Variants in NUP93 observed in about 807,000 individuals in gnomAD.
The protein encoded by NUP93 is nucleoporin 93, also known as nuclear pore complex protein Nup93.
A neutral mutation model predicts 107.8 loss-of-function variants in NUP93; 55 were observed. That is an observed-to-expected ratio of 0.51 (90% CI 0.41 to 0.64). NUP93 has a LOEUF of 0.64. NUP93 is among the 30% of genes least tolerant of loss of function. The pLI, the probability that NUP93 is intolerant of heterozygous loss-of-function variation, is 0.00. For synonymous variants in NUP93, 390 were observed against 397.5 expected, an observed-to-expected ratio of 0.98 and a Z score of 0.22; for missense variants, 937 against 1,044.7, an observed-to-expected ratio of 0.90 and a Z score of 1.42.
Position 56,742,784 on chromosome 16 carries a change from C to G in NUP93, c.-14-5450C>G, listed in dbSNP as rs561266790. ...TTTCTGGAGTATATCCTGGGAGTAA[C>G]ATAGGCTTAAGTCTAGAGAACTAGT... On this transcript the variant is annotated intron_variant, in intron 1 of 21. Transcript: ENST00000308159. Among the ~76,000 whole-genome samples, 4 of 152,270 alleles carry G rather than the reference C, an allele frequency of 2.6e-5. No individual in the cohort carries two copies. The South Asian group carries it at 8.3e-4, about 32-fold the overall frequency.
At chr16:56,813,545 C>T (rs928124351) in intron 5 of NUP93, among the ~76,000 whole-genome samples, 6 of 152,084 alleles carry the variant, frequency 3.9e-5, no homozygotes, top group African/African-American at 9.7e-5. Flanking sequence ...TTAAAAACCT[C>T]ATCTCAACAG....
chr16:56,819,126 T>C (rs1175574328), intron 6 of NUP93, among the ~76,000 whole-genome samples: 1 of 152,248 alleles, frequency 6.6e-6, no homozygotes, highest in East Asian at 1.9e-4. Context: ...AGAAATTTTC[T>C]AAATGCTTTT....
At chr16:56,815,884 C>G (rs895825471) in intron 5 of NUP93, among the ~76,000 whole-genome samples, 3 of 137,614 alleles carry the variant, frequency 2.2e-5, no homozygotes, top group Admixed American at 7.1e-5. Context: ...GCTGCTGCTG[C>G]TGCTGCTGCT....
At chr16:56,751,427 T>C (rs1350589872) in intron 2 of NUP93, among the ~76,000 whole-genome samples, 1 of 152,214 alleles carries the variant, frequency 6.6e-6, no homozygotes, top group African/African-American at 2.4e-5. Context: ...AATTTCTTTT[T>C]AAAATAACCC....
intron 1 of NUP93, among the ~76,000 whole-genome samples, chr16:56,741,602 T>G (rs1489138607): frequency 2.6e-5 from 4 of 152,180 alleles, no homozygotes; most frequent in African/African-American, 7.2e-5. Flanking sequence ...TTATTTAAAA[T>G]ATCGAAAATA....
chr16:56,786,439 C>G lies in NUP93; in HGVS notation c.298-12037C>G, dbSNP rs529608377. On this transcript the variant is annotated intron_variant, in intron 3 of 21. Coordinates refer to ENST00000308159, the MANE Select transcript of NUP93 (RefSeq NM_014669.5). ...TCTCTGTCTGCATCTGACTCCATTT[C>G]TTTCTCTGCCAGCTTGCTGGTGACT... is the stretch of plus-strand genomic sequence containing the variant. Among the ~76,000 whole-genome samples, 203 of 152,342 alleles carry G rather than the reference C, an allele frequency of 1.3e-3. 1 individual carries two copies. The highest frequency in any genetic ancestry group is 4.5e-3 in the African/African-American group (189 of 41,580).
At chr16:56,805,750 C>A in intron 5 of NUP93, 118 bp downstream of exon 5, 1 of 1,127,716 alleles carries the variant, frequency 8.9e-7, no homozygotes, top group Non-Finnish European at 1.3e-6. Flanking sequence ...GAAACACTTT[C>A]TTCACTTAGC....
intron 5 of NUP93, among the ~76,000 whole-genome samples, chr16:56,807,289 T>G (rs555991736): frequency 6.6e-6 from 1 of 152,312 alleles, no homozygotes; most frequent in East Asian, 1.9e-4. Flanking sequence ...CCTTCGGATA[T>G]TTACCCATTG....
intron 18 of NUP93, among the ~76,000 whole-genome samples, chr16:56,838,214 T>G (rs757985478): frequency 3.3e-5 from 5 of 152,216 alleles, no homozygotes; most frequent in Admixed American, 1.3e-4. Context: ...CTTTTTGCGC[T>G]CTCTGTAGAT....
chr16:56,746,629 T>C (rs1157272689), intron 1 of NUP93, among the ~76,000 whole-genome samples: 1 of 152,250 alleles, frequency 6.6e-6, no homozygotes, highest in Non-Finnish European at 1.5e-5. Context: ...TTTTTAAAAG[T>C]TCTTAATGGA....
At chr16:56,829,748 G>A (rs545342427) in intron 9 of NUP93, among the ~76,000 whole-genome samples, 3 of 152,314 alleles carry the variant, frequency 2.0e-5, no homozygotes, top group African/African-American at 7.2e-5. Context: ...GGCTTGGCAA[G>A]CTTGGGGCCC....
chr16:56,748,245 C>G lies in NUP93; in HGVS notation c.-3C>G. 1 of 1,596,426 alleles carries G rather than the reference C, an allele frequency of 6.3e-7. No homozygotes were observed. The highest frequency in any genetic ancestry group is 8.5e-7 in the Non-Finnish European group (1 of 1,169,828). On this transcript the variant is annotated 5_prime_UTR_variant, in exon 2 of 22. Coordinates refer to ENST00000308159, the MANE Select transcript of NUP93 (RefSeq NM_014669.5). ...TTTCTCCCATCTAGGATCTGCATCT[C>G]CAATGGATACTGAGGGGTTTGGTGA... is the stretch of plus-strand genomic sequence containing the variant.
chr16:56,812,281 T>A (rs1747511728), intron 5 of NUP93, among the ~76,000 whole-genome samples: 1 of 152,152 alleles, frequency 6.6e-6, no homozygotes, highest in Non-Finnish European at 1.5e-5. Flanking sequence ...CACCTTCCAA[T>A]AACAGGAGTT....
intron 3 of NUP93, among the ~76,000 whole-genome samples, chr16:56,774,799 C>T (rs1962382944): frequency 6.6e-6 from 1 of 152,088 alleles, no homozygotes; most frequent in African/African-American, 2.4e-5. Flanking sequence ...CTGACTCTAG[C>T]TTCAGTATGC....
intron 12 of NUP93, among the ~76,000 whole-genome samples, chr16:56,832,987 A>G (rs1378223698): frequency 6.6e-6 from 1 of 152,202 alleles, no homozygotes; most frequent in Non-Finnish European, 1.5e-5. Flanking sequence ...GCACAGTCAC[A>G]GTTTCCAGTA....
chr16:56,813,070 A>G (rs766859044), intron 5 of NUP93, among the ~76,000 whole-genome samples: 3 of 152,234 alleles, frequency 2.0e-5, no homozygotes, highest in South Asian at 2.1e-4. Context: ...TGTCTGGAAC[A>G]TGACTCAGCA....
At chr16:56,732,593 T>G (rs1961552657) in intron 1 of NUP93, among the ~76,000 whole-genome samples, 1 of 152,182 alleles carries the variant, frequency 6.6e-6, no homozygotes, top group Admixed American at 6.5e-5. Flanking sequence ...TGTGAACAGC[T>G]GGAGATGTGG....
At position 56,818,671 on chromosome 16, in the gene NUP93, A is replaced by G; in HGVS notation, c.497A>G (p.Tyr166Cys). ...LDFTQESEPS[Y>C]ISDVGPPGRS... ...ATGTGTATTTATCCACAGCCAAGCT[A>G]CATCAGTGATGTGGGACCCCCTGGT... is the stretch of plus-strand genomic sequence containing the variant. The change falls in exon 6 of 22, where the codon TAC (tyrosine) becomes TGC (cysteine). Residue 166 changes from tyrosine (Y) to cysteine (C), a missense_variant. Physicochemically the swap from Tyr to Cys is radical, Grantham distance 194. Coordinates refer to ENST00000308159, the MANE Select transcript of NUP93 (RefSeq NM_014669.5). 1.2e-6 allele frequency: 2 copies of G among 1,613,984 alleles called. No individual in the cohort carries two copies. Among genetic ancestry groups the G allele is most frequent in the Non-Finnish European group, 8.5e-7 (1 of 1,179,830 alleles).
intron 2 of NUP93, among the ~76,000 whole-genome samples, chr16:56,758,104 A>G (rs9922745): frequency 0.37 from 56,157 of 151,138 alleles, 11,367 homozygotes; most frequent in East Asian, 0.54. Flanking sequence ...AGCTTGTGCC[A>G]CAGAACTAGA....
Sources: gnomAD v4.1 joint callset for allele counts (sites outside exome capture counted in the v4.1 genomes callset) on GRCh38, gnomAD v4.1.1 for gene constraint, MANE v1.5 for transcripts, NCBI Gene and HGNC (gene_info 2026-07-23, HGNC 2026-07-21) for gene names.